Variants in LCMT1 observed in about 807,000 individuals in gnomAD.
LCMT1 encodes the protein leucine carboxyl methyltransferase 1, also known as [Phosphatase 2A protein]-leucine-carboxy methyltransferase 1.
In LCMT1, 32 loss-of-function variants were observed where a neutral mutation model predicts 47.7. The observed-to-expected ratio is 0.67, with a 90% CI of 0.51 to 0.90. The LOEUF (loss-of-function observed/expected upper bound fraction) is 0.90. Among genes scored for constraint, LCMT1 ranks in the 40% least tolerant of loss-of-function variants. The pLI, the probability that LCMT1 is intolerant of heterozygous loss-of-function variation, is 0.00. For synonymous variants in LCMT1, 152 were observed against 149.7 expected (o/e 1.02, Z -0.11); for missense variants, 375 against 415.2 (o/e 0.90, Z 0.84).
chr16:25,153,695 G>C (rs1422586256), intron 5 of LCMT1, among the ~76,000 whole-genome samples: 1 of 152,144 alleles, frequency 6.6e-6, no homozygotes, highest in Non-Finnish European at 1.5e-5. Context: ...GCTCACGCCT[G>C]TAATCCCAGC....
intron 9 of LCMT1, 47 bp downstream of exon 9, chr16:25,170,852 C>A (rs1369323939): frequency 8.1e-7 from 1 of 1,227,732 alleles, no homozygotes; most frequent in East Asian, 2.4e-5. Flanking sequence ...ATTGTGAACT[C>A]AAGGCATGAT....
chr16:25,114,559 C>T (rs754383665), intron 1 of LCMT1, among the ~76,000 whole-genome samples: 29 of 152,154 alleles, frequency 1.9e-4, no homozygotes, highest in Admixed American at 5.9e-4. Flanking sequence ...TGCTATGCCA[C>T]TGAGTCTGTT....
intron 4 of LCMT1, chr16:25,145,863 C>A (rs767802310): frequency 3.9e-5 from 6 of 152,176 alleles, no homozygotes; most frequent in Admixed American, 1.3e-4. Flanking sequence ...CTGAAGTGTC[C>A]GATAGGGAAG....
intron 4 of LCMT1, chr16:25,147,272 GA>G: frequency 1.3e-5 from 2 of 152,420 alleles, no homozygotes; most frequent in Non-Finnish European, 2.9e-5. Context: ...TCTCTGAGGG[GA>G]AAACAGCCCT....
In LCMT1 at chr16:25,162,442, C is replaced by T. The variant is rs112030839; in HGVS notation, c.569+1238C>T. Among the ~76,000 whole-genome samples, 1,326 of 151,400 alleles carry T rather than the reference C, an allele frequency of 8.8e-3. 19 individuals carry two copies. The highest frequency in any genetic ancestry group is 0.031 in the African/African-American group (1,263 of 41,290). ...CATCTCTACTAAAAATACAAAAAATCAGCTGGGCGTGGTGGTGGGCGCCTG... is the reference window on the plus strand; with the variant it reads ...CATCTCTACTAAAAATACAAAAAATTAGCTGGGCGTGGTGGTGGGCGCCTG... On this transcript the variant is annotated intron_variant, in intron 6 of 10. Transcript: ENST00000399069.
At chr16:25,117,168 G>T (rs1048748862) in intron 1 of LCMT1, among the ~76,000 whole-genome samples, 1 of 152,160 alleles carries the variant, frequency 6.6e-6, no homozygotes, top group African/African-American at 2.4e-5. Context: ...GTGGGAGAAG[G>T]GTTGGTGACA....
At chr16:25,117,725 C>T (rs56191887) in intron 1 of LCMT1, among the ~76,000 whole-genome samples, 2,435 of 151,940 alleles carry the variant, frequency 0.016, 77 homozygotes, top group African/African-American at 0.056. Flanking sequence ...TGGTGGTGTG[C>T]GCCTGTAATC....
intron 1 of LCMT1, among the ~76,000 whole-genome samples, chr16:25,119,897 A>T (rs556682159): frequency 6.6e-6 from 1 of 152,062 alleles, no homozygotes; most frequent in Non-Finnish European, 1.5e-5. Context: ...ACGGTGGCTC[A>T]TGCCTGTAAT....
intron 2 of LCMT1, among the ~76,000 whole-genome samples, chr16:25,130,319 G>A (rs1960312907): frequency 7.2e-6 from 1 of 138,074 alleles, no homozygotes; most frequent in Non-Finnish European, 1.5e-5. Flanking sequence ...CAGTCTGGGC[G>A]ACAGAGCAAT....
At chr16:25,130,878 T>C (rs950176695) in intron 2 of LCMT1, among the ~76,000 whole-genome samples, 1 of 152,216 alleles carries the variant, frequency 6.6e-6, no homozygotes, top group Admixed American at 6.5e-5. Context: ...GCAGCCTGAA[T>C]GTGTTAAGTC....
At chr16:25,155,317 T>A (rs1323905837) in intron 5 of LCMT1, among the ~76,000 whole-genome samples, 1 of 152,010 alleles carries the variant, frequency 6.6e-6, no homozygotes, top group East Asian at 1.9e-4. Flanking sequence ...ACACCTGTAA[T>A]CCCAGTGCTT....
At chr16:25,156,960 T>A (rs1961277008) in intron 5 of LCMT1, among the ~76,000 whole-genome samples, 2 of 150,226 alleles carry the variant, frequency 1.3e-5, no homozygotes, top group Admixed American at 1.3e-4. Context: ...TTTTTTTTTT[T>A]AATTGAAGGA....
intron 1 of LCMT1, among the ~76,000 whole-genome samples, chr16:25,117,726 G>A (rs374238960): frequency 4.6e-5 from 7 of 152,118 alleles, no homozygotes; most frequent in South Asian, 2.1e-4. Context: ...GGTGGTGTGC[G>A]CCTGTAATCT....
Position 25,164,759 on chromosome 16 carries a change from G to T in LCMT1, c.690+41G>T, listed in dbSNP as rs745990576. 1.4e-5 allele frequency: 23 copies of T among 1,613,084 alleles called. No individual in the cohort carries two copies. The South Asian group carries it at 2.5e-4, about 18-fold the overall frequency. ...GGAGAACTGGATTCCATACAGGATCGCCGTGGTGGCTTCCCTCTCCCAGCA... is the reference window on the plus strand; with the variant it reads ...GGAGAACTGGATTCCATACAGGATCTCCGTGGTGGCTTCCCTCTCCCAGCA... On this transcript the variant is annotated intron_variant, in intron 7 of 10. Transcript: ENST00000399069.
At chr16:25,130,432 A>G (rs1960317056) in intron 2 of LCMT1, among the ~76,000 whole-genome samples, 1 of 151,820 alleles carries the variant, frequency 6.6e-6, no homozygotes, top group African/African-American at 2.4e-5. Context: ...CAGGTTGATC[A>G]CTTGAGCTCA....
chr16:25,130,873 C>T (rs1960332155), intron 2 of LCMT1, among the ~76,000 whole-genome samples: 1 of 152,192 alleles, frequency 6.6e-6, no homozygotes, highest in African/African-American at 2.4e-5. Context: ...TGGCAGCAGC[C>T]TGAATGTGTT....
intron 1 of LCMT1, among the ~76,000 whole-genome samples, chr16:25,116,197 A>G (rs1182989472): frequency 2.6e-5 from 4 of 151,982 alleles, no homozygotes; most frequent in African/African-American, 9.7e-5. Context: ...GGGTCAAGGG[A>G]TTTTCTCTGT....
chr16:25,116,732 A>C (rs1959797892), intron 1 of LCMT1, among the ~76,000 whole-genome samples: 1 of 151,808 alleles, frequency 6.6e-6, no homozygotes, highest in Admixed American at 6.6e-5. Context: ...AAAAAAAAAA[A>C]AAATACAAAA....
intron 9 of LCMT1, among the ~76,000 whole-genome samples, 158 bp downstream of exon 9, chr16:25,170,963 G>C (rs1407846768): frequency 6.6e-6 from 1 of 152,146 alleles, no homozygotes; most frequent in Non-Finnish European, 1.5e-5. Context: ...AGGCACGGTG[G>C]CTCACACCTG....
Sources: gnomAD v4.1 joint callset for allele counts (sites outside exome capture counted in the v4.1 genomes callset) on GRCh38, gnomAD v4.1.1 for gene constraint, MANE v1.5 for transcripts, NCBI Gene and HGNC (gene_info 2026-07-23, HGNC 2026-07-21) for gene names.